Variants in AFF1 observed in about 807,000 individuals in gnomAD.
AFF1 encodes AF4/FMR2 family member 1.
AFF1 carries 48 observed loss-of-function variants against 121.7 expected under a neutral mutation model. That is an observed-to-expected ratio of 0.39 (90% CI 0.31 to 0.50). The LOEUF (loss-of-function observed/expected upper bound fraction) is 0.50, where lower values mean the gene tolerates loss of function less well. AFF1 is among the 20% of genes least tolerant of loss of function. The pLI is 0.76. For missense variants in AFF1, 1,523 were observed against 1,511.7 expected, an observed-to-expected ratio of 1.01 and a Z score of -0.12; for synonymous variants, 613 against 563.0, an observed-to-expected ratio of 1.09 and a Z score of -1.26.
At chr4:87,029,708 T>A (rs552358013) in intron 2 of AFF1, among the ~76,000 whole-genome samples, 1 of 152,312 alleles carries the variant, frequency 6.6e-6, no homozygotes, top group East Asian at 1.9e-4. Flanking sequence ...CCTCAAATTA[T>A]AAAGAATTGT....
At chr4:87,097,074 A>G (rs1217048440) in intron 8 of AFF1, among the ~76,000 whole-genome samples, 1 of 152,170 alleles carries the variant, frequency 6.6e-6, no homozygotes, top group Non-Finnish European at 1.5e-5. Context: ...AAGCTCTGTA[A>G]TCTCCCCAGG....
intron 2 of AFF1, among the ~76,000 whole-genome samples, chr4:86,998,376 GAC>G (rs1725411137): frequency 6.6e-6 from 1 of 152,174 alleles, no homozygotes; most frequent in Non-Finnish European, 1.5e-5. Flanking sequence ...CTGGAACTAA[GAC>G]TTGATTATAG....
intron 12 of AFF1, 101 bp from the exon 13 acceptor site, chr4:87,124,936 A>G (rs1728077092): frequency 9.4e-6 from 9 of 955,510 alleles, no homozygotes; most frequent in Non-Finnish European, 1.4e-5. Flanking sequence ...AGATGTCTCC[A>G]AAGGTTCCTT....
At chr4:87,007,720 T>C (rs1266243818) in intron 2 of AFF1, among the ~76,000 whole-genome samples, 1 of 152,194 alleles carries the variant, frequency 6.6e-6, no homozygotes, top group East Asian at 1.9e-4. Context: ...TGATTTCACT[T>C]GTCCGCCCTT....
intron 2 of AFF1, among the ~76,000 whole-genome samples, chr4:86,977,778 T>G (rs55913164): frequency 9.9e-5 from 15 of 152,270 alleles, no homozygotes; most frequent in African/African-American, 2.6e-4. Flanking sequence ...AATAAATGTT[T>G]GTTGAATTGC....
intron 4 of AFF1, chr4:87,049,509 T>C (rs1731060826): frequency 2.7e-6 from 1 of 376,336 alleles, no homozygotes; most frequent in South Asian, 2.0e-5. Context: ...CATAGGACTA[T>C]GTTAATTGGC....
intron 8 of AFF1, among the ~76,000 whole-genome samples, chr4:87,104,481 T>C (rs1725714352): frequency 6.6e-6 from 1 of 152,250 alleles, no homozygotes; most frequent in East Asian, 1.9e-4. Flanking sequence ...TCATTTTATT[T>C]AGAAACTTAT....
chr4:86,947,052 C>G (rs1720919954), intron 1 of AFF1, among the ~76,000 whole-genome samples: 1 of 151,996 alleles, frequency 6.6e-6, no homozygotes, highest in African/African-American at 2.4e-5. Context: ...GTGTGAGCAG[C>G]AAAGGCAGGG....
chr4:87,008,573 A>G (rs1365216283), intron 2 of AFF1, among the ~76,000 whole-genome samples: 1 of 151,636 alleles, frequency 6.6e-6, no homozygotes, highest in African/African-American at 2.4e-5. Flanking sequence ...TGGATGAGAA[A>G]CACAAGTTGT....
intron 2 of AFF1, among the ~76,000 whole-genome samples, chr4:87,031,543 A>G (rs1729089420): frequency 6.6e-6 from 1 of 151,934 alleles, no homozygotes; most frequent in Admixed American, 6.6e-5. Context: ...AGAGGAAGTC[A>G]ATGTTTACTG....
chr4:87,019,560 A>T (rs1016766617), intron 2 of AFF1, among the ~76,000 whole-genome samples: 1 of 152,182 alleles, frequency 6.6e-6, no homozygotes. Flanking sequence ...TCTTGCCTAC[A>T]CTATGAAGTC....
At chr4:87,089,895 TC>T in intron 5 of AFF1, 88 bp from the exon 6 acceptor site, 1 of 930,556 alleles carries the variant, frequency 1.1e-6, no homozygotes, top group Non-Finnish European at 1.7e-6. Flanking sequence ...TTATGATCAA[TC>T]CATTCTACAT....
Position 87,007,352 on chromosome 4 carries a change from G to A in AFF1, c.39-38814G>A, listed in dbSNP as rs1366999557. 4 of 1,611,562 alleles carry A rather than the reference G, an allele frequency of 2.5e-6. No homozygotes were observed. In the Admixed American group the frequency reaches 6.7e-5, roughly 27 times the overall value. ...TGGTGAGCGCGGCGCTGGCAGCAGG[G>A]CCCGCGGGGTGAAGGCGCTCATGGA... On this transcript the variant is annotated intron_variant, in intron 2 of 20. Transcript: ENST00000395146.
At chr4:87,018,941 G>A in intron 2 of AFF1, among the ~76,000 whole-genome samples, 1 of 152,222 alleles carries the variant, frequency 6.6e-6, no homozygotes, top group South Asian at 2.1e-4. Context: ...GTGAGGTACA[G>A]TTATAAGGAA....
intron 10 of AFF1, among the ~76,000 whole-genome samples, chr4:87,107,837 G>C (rs1161435911): frequency 2.6e-5 from 4 of 152,170 alleles, no homozygotes; most frequent in Non-Finnish European, 5.9e-5. Context: ...AGAAAAGCAG[G>C]CAGCCAGCCT....
chr4:87,105,842 C>T lies in AFF1; in HGVS notation c.1373C>T (p.Pro458Leu). 6.2e-7 allele frequency: 1 copy of T among 1,614,088 alleles called. No homozygotes were observed. The highest frequency in any genetic ancestry group is 8.5e-7 in the Non-Finnish European group (1 of 1,179,998). The change falls in exon 10 of 21, where the codon CCA becomes CTA. Residue 458 changes from proline to leucine, a missense_variant. Physicochemically the swap from Pro to Leu is moderately conservative, Grantham distance 98. This residue lies in a region of AFF1 where 905 missense variants were observed against 842.5 expected (regional missense o/e 1.07). Transcript: ENST00000395146. ...PEKPPSSSAP[P>L]SAPQSLPEPV... is the part of the protein sequence containing the mutation. The stretch of plus-strand genomic sequence containing the variant: ...AAGCCTCCCTCCTCATCTGCACCTC[C>T]AAGGTACCGTGTGGGTTTCTCCCCA...
At chr4:86,953,230 T>C (rs1361048482) in intron 2 of AFF1, among the ~76,000 whole-genome samples, 2 of 152,146 alleles carry the variant, frequency 1.3e-5, no homozygotes, top group Admixed American at 1.3e-4. Context: ...GTGGTAAGTT[T>C]GGGGATATCC....
At chr4:87,008,576 C>T (rs369803567) in intron 2 of AFF1, among the ~76,000 whole-genome samples, 93 of 151,336 alleles carry the variant, frequency 6.1e-4, no homozygotes, top group African/African-American at 2.1e-3. Flanking sequence ...ATGAGAAACA[C>T]AAGTTGTGTC....
intron 4 of AFF1, among the ~76,000 whole-genome samples, chr4:87,048,317 T>G (rs1214074413): frequency 6.6e-6 from 1 of 152,188 alleles, no homozygotes; most frequent in Non-Finnish European, 1.5e-5. Context: ...CTGTACTTTT[T>G]AAAACCAAGA....
Sources: gnomAD v4.1 joint callset for allele counts (sites outside exome capture counted in the v4.1 genomes callset) on GRCh38, gnomAD v4.1.1 for gene constraint, gnomAD v4.1.1 regional missense constraint, MANE v1.5 for transcripts, NCBI Gene and HGNC (gene_info 2026-07-23, HGNC 2026-07-21) for gene names.